SLC25A21: variants seen among roughly 807,000 people sequenced by gnomAD.
SLC25A21 encodes solute carrier family 25 member 21.
SLC25A21 carries 47 observed loss-of-function variants against 43.8 expected under a neutral mutation model. That is an observed-to-expected ratio of 1.07 (90% CI 0.85 to 1.37). The LOEUF is 1.37. Among genes scored for constraint, SLC25A21 ranks in the 40% most tolerant of loss-of-function variants. The pLI is 0.00. For missense variants in SLC25A21, 352 were observed against 350.2 expected (o/e 1.00, Z -0.04); for synonymous variants, 131 against 121.3 (o/e 1.08, Z -0.52).
chr14:37,079,457 T>TGTCAATCTG (rs540305600), intron 1 of SLC25A21, among the ~76,000 whole-genome samples: 456 of 152,332 alleles, frequency 3.0e-3, no homozygotes, highest in Admixed American at 5.1e-3. Flanking sequence ...AACCAAGTTC[T>TGTCAATCTG]GTCAATCTGC....
At chr14:36,765,563 G>C (rs1425371591) in intron 3 of SLC25A21, among the ~76,000 whole-genome samples, 1 of 152,164 alleles carries the variant, frequency 6.6e-6, no homozygotes, top group Non-Finnish European at 1.5e-5. Flanking sequence ...GTATATCATG[G>C]CTTACTGTTG....
chr14:36,810,282 T>C (rs1271439753), intron 3 of SLC25A21, among the ~76,000 whole-genome samples: 5 of 152,156 alleles, frequency 3.3e-5, no homozygotes, highest in South Asian at 4.1e-4. Context: ...TATTATTTGA[T>C]ATCAAAGCAG....
intron 1 of SLC25A21, among the ~76,000 whole-genome samples, chr14:36,980,812 A>C (rs1436567694): frequency 6.6e-6 from 1 of 152,240 alleles, no homozygotes; most frequent in African/African-American, 2.4e-5. Context: ...CACCAAAAGC[A>C]ATGGCAACAA....
At chr14:36,945,688 G>A (rs898652793) in intron 1 of SLC25A21, among the ~76,000 whole-genome samples, 3 of 152,106 alleles carry the variant, frequency 2.0e-5, no homozygotes, top group Non-Finnish European at 2.9e-5. Flanking sequence ...ACAGAAAATA[G>A]AATGTTGGCA....
rs114460697 is a variant in SLC25A21 at position 37,152,568 on chromosome 14, T to A, written c.70+19713A>T. ...TTAATTTCATTTTATTTCTGCTATATACCTTAAAAATGTGAGCCTGCAGAG... is the reference window on the plus strand; with the variant it reads ...TTAATTTCATTTTATTTCTGCTATAAACCTTAAAAATGTGAGCCTGCAGAG... On this transcript the variant is annotated intron_variant, in intron 1 of 9. Coordinates refer to ENST00000331299, the MANE Select transcript of SLC25A21 (RefSeq NM_030631.4). 6.3e-3 allele frequency among the ~76,000 whole-genome samples: 956 copies of A among 152,124 alleles called. 9 individuals carry two copies. The highest frequency in any genetic ancestry group is 0.02 in the African/African-American group (824 of 41,474).
At chr14:36,726,532 G>A in intron 5 of SLC25A21, among the ~76,000 whole-genome samples, 1 of 152,118 alleles carries the variant, frequency 6.6e-6, no homozygotes, top group Non-Finnish European at 1.5e-5. Flanking sequence ...CAAATAAAAT[G>A]TAGAAAACTT....
At chr14:36,877,342 C>A (rs1890564954) in intron 1 of SLC25A21, among the ~76,000 whole-genome samples, 1 of 152,152 alleles carries the variant, frequency 6.6e-6, no homozygotes, top group African/African-American at 2.4e-5. Context: ...TACCTATTTG[C>A]AAAATTGTTT....
intron 1 of SLC25A21, among the ~76,000 whole-genome samples, chr14:37,010,542 G>A (rs971193540): frequency 1.3e-5 from 2 of 152,202 alleles, no homozygotes; most frequent in African/African-American, 4.8e-5. Context: ...AGAAGGACAT[G>A]AGCCTGAAGG....
chr14:36,902,486 G>C (rs1029837996), intron 1 of SLC25A21, among the ~76,000 whole-genome samples: 2 of 152,092 alleles, frequency 1.3e-5, no homozygotes, highest in African/African-American at 4.8e-5. Flanking sequence ...ATCTGGGTTT[G>C]AGTTTTGTAT....
At chr14:37,050,753 T>G (rs714269) in intron 1 of SLC25A21, among the ~76,000 whole-genome samples, 67,513 of 152,036 alleles carry the variant, frequency 0.44, 17,312 homozygotes, top group African/African-American at 0.72. Context: ...AACCAAGTAC[T>G]TCTCAGATCC....
chr14:36,759,254 G>A (rs1316437033), intron 3 of SLC25A21, among the ~76,000 whole-genome samples: 1 of 152,058 alleles, frequency 6.6e-6, no homozygotes, highest in Non-Finnish European at 1.5e-5. Flanking sequence ...CATTTGAGTG[G>A]GCACCCTTTC....
At chr14:36,896,872 T>C (rs1297471436) in intron 1 of SLC25A21, among the ~76,000 whole-genome samples, 3 of 152,242 alleles carry the variant, frequency 2.0e-5, no homozygotes, top group Non-Finnish European at 1.5e-5. Context: ...TGGCCCGCAC[T>C]CTCTGCTGGC....
rs1397904925 is a variant in SLC25A21 at position 36,776,234 on chromosome 14, C to CTTTTTTTTTTTTTTTTTTTT, written c.203+37683_203+37684insAAAAAAAAAAAAAAAAAAAA. 5.1e-4 allele frequency among the ~76,000 whole-genome samples: 39 copies of CTTTTTTTTTTTTTTTTTTTT among 75,744 alleles called. 3 individuals carry two copies. The highest frequency in any genetic ancestry group is 2.0e-3 in the African/African-American group (36 of 17,562). The allele number at this position is 75,744 out of a possible 152,430, so 49.7% of individuals were successfully genotyped here. A position where few individuals can be genotyped will look rare whatever the true frequency, so the allele number is the denominator to read the frequency against. ...CTTTCTTTTTTCTTTTTCTTTCTTT[C>CTTTTTTTTTTTTTTTTTTTT]TTTCTTTTTTTTTTTTTTTTGAGAT... On this transcript the variant is annotated intron_variant, in intron 3 of 9. Transcript: ENST00000331299.
At chr14:37,145,173 G>T (rs1410544226) in intron 1 of SLC25A21, among the ~76,000 whole-genome samples, 1 of 152,064 alleles carries the variant, frequency 6.6e-6, no homozygotes, top group Non-Finnish European at 1.5e-5. Flanking sequence ...CCTGCCCAAG[G>T]TAACACAGCT....
chr14:36,707,174 C>T (rs1169362258), intron 7 of SLC25A21, among the ~76,000 whole-genome samples: 5 of 152,198 alleles, frequency 3.3e-5, no homozygotes, highest in Non-Finnish European at 7.3e-5. Context: ...TTTGCTGTCC[C>T]TTGCTAATTT....
At chr14:36,815,587 A>G (rs1022269833) in intron 2 of SLC25A21, among the ~76,000 whole-genome samples, 1 of 151,688 alleles carries the variant, frequency 6.6e-6, no homozygotes, top group South Asian at 2.1e-4. Flanking sequence ...CATGTGTCCC[A>G]TTTTTGAAAG....
At chr14:37,134,300 T>A (rs1001070985) in intron 1 of SLC25A21, among the ~76,000 whole-genome samples, 1 of 152,218 alleles carries the variant, frequency 6.6e-6, no homozygotes, top group Non-Finnish European at 1.5e-5. Context: ...TATATCAACT[T>A]AAATTATGTA....
In SLC25A21 at chr14:36,725,729, G is replaced by A. The variant is rs530011345; in HGVS notation, c.331-52C>T. 108 of 1,195,050 alleles carry A rather than the reference G, an allele frequency of 9.0e-5. No individual in the cohort carries two copies. The South Asian group carries it at 1.8e-3, about 20-fold the overall frequency. 74.0% of individuals were successfully genotyped at this position (1,195,050 alleles called of 1,614,324 possible). A position where few individuals can be genotyped will look rare whatever the true frequency, so the allele number is the denominator to read the frequency against. On this transcript the variant is annotated intron_variant, in intron 5 of 9. Transcript: ENST00000331299. ...TTAAAACAAGTTATCATGTGTATGGGGTTAAACATCCTATTCATTACACTA... is the reference window on the plus strand; with the variant it reads ...TTAAAACAAGTTATCATGTGTATGGAGTTAAACATCCTATTCATTACACTA...
At chr14:36,830,789 GCT>G (rs1289361954) in intron 2 of SLC25A21, among the ~76,000 whole-genome samples, 1 of 151,980 alleles carries the variant, frequency 6.6e-6, no homozygotes, top group Non-Finnish European at 1.5e-5. Context: ...CAATTTCATG[GCT>G]TGGGATAGAG....
Sources: gnomAD v4.1 joint callset for allele counts (sites outside exome capture counted in the v4.1 genomes callset) on GRCh38, gnomAD v4.1.1 for gene constraint, MANE v1.5 for transcripts, NCBI Gene and HGNC (gene_info 2026-07-23, HGNC 2026-07-21) for gene names.